The following UBE3C variants were observed in gnomAD, a reference collection of about 807,000 sequenced individuals.
UBE3C encodes ubiquitin-protein ligase E3C.
UBE3C carries 42 observed loss-of-function variants against 129.4 expected under a neutral mutation model. The observed-to-expected ratio is 0.32, with a 90% CI of 0.25 to 0.42. The LOEUF is 0.42. Ranked by LOEUF, UBE3C falls within the 10% of genes least tolerant of loss-of-function variation. The pLI, the probability that UBE3C is intolerant of heterozygous loss-of-function variation, is 1.00. For missense variants in UBE3C, 1,049 were observed against 1,319.1 expected (o/e 0.80, Z 3.17); for synonymous variants, 510 against 492.4 (o/e 1.04, Z -0.47).
intron 22 of UBE3C, among the ~76,000 whole-genome samples, chr7:157,265,005 C>T (rs989467090): frequency 6.6e-6 from 1 of 152,146 alleles, no homozygotes; most frequent in African/African-American, 2.4e-5. Flanking sequence ...TTGTAGTGTC[C>T]CATCATGTGA....
Position 157,255,760 on chromosome 7 carries a change from T to A in UBE3C, c.2951-1154T>A, listed in dbSNP as rs61335016. On this transcript the variant is annotated intron_variant, in intron 21 of 22. Transcript: ENST00000348165. ...CAATGAGGGAACAATATACAGCAAT[T>A]ATTTTAGGTTTAGGGAGCACTTTAC... Among the ~76,000 whole-genome samples the A allele has an allele frequency of 4.9e-3, 740 of 152,282 alleles. 5 individuals carry two copies. The highest frequency in any genetic ancestry group is 0.017 in the African/African-American group (711 of 41,552).
intron 13 of UBE3C, among the ~76,000 whole-genome samples, chr7:157,209,922 T>C (rs1809542163): frequency 6.6e-6 from 1 of 152,258 alleles, no homozygotes; most frequent in African/African-American, 2.4e-5. Context: ...GGCTCACGCC[T>C]ATAATCCCAG....
intron 10 of UBE3C, among the ~76,000 whole-genome samples, chr7:157,194,565 CAGAA>C (rs1349787523): frequency 2.0e-5 from 3 of 152,140 alleles, no homozygotes; most frequent in Non-Finnish European, 2.9e-5. Context: ...AGGCGCATGC[CAGAA>C]AGAAGCCAAA....
chr7:157,155,557 A>G (rs1807879907), intron 1 of UBE3C, among the ~76,000 whole-genome samples: 1 of 152,292 alleles, frequency 6.6e-6, no homozygotes, highest in South Asian at 2.1e-4. Context: ...TAGTTTTTTA[A>G]CATAAAAATT....
At chr7:157,201,878 C>A in intron 11 of UBE3C, 71 bp downstream of exon 11, 1 of 1,333,390 alleles carries the variant, frequency 7.5e-7, no homozygotes, top group South Asian at 1.2e-5. Context: ...AAAATGTTGC[C>A]AGAACCTGTT....
Position 157,254,157 on chromosome 7 carries a change from G to A in UBE3C, c.2883+15G>A. Reference sequence around the variant, plus strand: ...AAGAAATTCAGGTACCCTACCTGCTGACTTTCTGGGACACGCTTGTCACAG... The same window carrying A: ...AAGAAATTCAGGTACCCTACCTGCTAACTTTCTGGGACACGCTTGTCACAG... On this transcript the variant is annotated intron_variant, in intron 20 of 22. Transcript: ENST00000348165. 6.2e-7 allele frequency: 1 copy of A among 1,609,862 alleles called. No individual in the cohort carries two copies. The highest frequency in any genetic ancestry group is 8.5e-7 in the Non-Finnish European group (1 of 1,177,650).
chr7:157,227,003 T>C (rs1795896691), intron 17 of UBE3C, among the ~76,000 whole-genome samples: 1 of 152,194 alleles, frequency 6.6e-6, no homozygotes, highest in Non-Finnish European at 1.5e-5. Flanking sequence ...GTTCTTACAT[T>C]GTATTTTTAT....
intron 3 of UBE3C, among the ~76,000 whole-genome samples, chr7:157,169,342 A>G (rs1459020609): frequency 6.6e-6 from 1 of 152,098 alleles, no homozygotes; most frequent in Non-Finnish European, 1.5e-5. Context: ...CCACAGTTGA[A>G]AATCAAAATA....
intron 13 of UBE3C, 120 bp downstream of exon 13, chr7:157,208,055 CTTTTTTT>C (rs35366316): frequency 2.8e-4 from 26 of 93,642 alleles, no homozygotes; most frequent in East Asian, 2.1e-3. Context: ...ATTTGCAAGA[CTTTTTTT>C]TTTTTTTTTT....
At chr7:157,157,973 GATAT>G (rs67483339) in intron 1 of UBE3C, among the ~76,000 whole-genome samples, 69 of 142,182 alleles carry the variant, frequency 4.9e-4, no homozygotes, top group African/African-American at 1.5e-3. Flanking sequence ...GATATATATA[GATAT>G]ATATATATAT....
chr7:157,171,688 T>TA (rs1808379626), intron 4 of UBE3C, among the ~76,000 whole-genome samples: 91 of 4,808 alleles, frequency 0.019, no homozygotes, highest in Non-Finnish European at 0.024. Flanking sequence ...ATATATATAT[T>TA]TTTTTTTTTT....
chr7:157,223,310 A>T lies in UBE3C; in HGVS notation c.2059A>T (p.Thr687Ser). ...TGAGGAAAGACAGCTTGCTGTCCTG[A>T]CAGAGTTGCCTTTTGTGGTTCCATT... ...VSEERQLAVL[T>S]ELPFVVPFEE... The change falls in exon 16 of 23, where the codon ACA becomes TCA. Residue 687 changes from threonine to serine, a missense_variant. Physicochemically the swap from Thr to Ser is moderately conservative, Grantham distance 58 (BLOSUM62 1). Transcript: ENST00000348165. 6.2e-7 allele frequency: 1 copy of T among 1,614,030 alleles called. No homozygotes were observed. Among genetic ancestry groups the T allele is most frequent in the Non-Finnish European group, 8.5e-7 (1 of 1,179,970 alleles).
At chr7:157,189,882 C>G (rs1269575231) in intron 10 of UBE3C, among the ~76,000 whole-genome samples, 2 of 152,134 alleles carry the variant, frequency 1.3e-5, no homozygotes, top group Admixed American at 1.3e-4. Context: ...CTCACTGCAA[C>G]CTCCACCTCC....
intron 1 of UBE3C, among the ~76,000 whole-genome samples, chr7:157,158,359 C>T (rs1054942787): frequency 2.6e-5 from 4 of 152,074 alleles, no homozygotes; most frequent in African/African-American, 4.8e-5. Context: ...ATTTTGAAAC[C>T]GTAAGCCATA....
At chr7:157,234,670 A>G (rs1013642898) in intron 18 of UBE3C, among the ~76,000 whole-genome samples, 5 of 152,188 alleles carry the variant, frequency 3.3e-5, no homozygotes, top group Admixed American at 2.0e-4. Context: ...GGTTTGAGAA[A>G]GGGCTCCAAC....
chr7:157,151,428 T>C (rs1373664651), intron 1 of UBE3C, among the ~76,000 whole-genome samples: 3 of 152,184 alleles, frequency 2.0e-5, no homozygotes, highest in Non-Finnish European at 4.4e-5. Flanking sequence ...TCTTTGGAAA[T>C]GTAACAAAGA....
intron 2 of UBE3C, among the ~76,000 whole-genome samples, chr7:157,167,423 A>G (rs968636317): frequency 6.6e-6 from 1 of 152,154 alleles, no homozygotes; most frequent in Non-Finnish European, 1.5e-5. Context: ...TCTGCTTTAC[A>G]TCTTTGGGTG....
At chr7:157,244,843 C>T (rs1016284802) in intron 18 of UBE3C, among the ~76,000 whole-genome samples, 3 of 152,126 alleles carry the variant, frequency 2.0e-5, no homozygotes, top group African/African-American at 7.2e-5. Context: ...AGGTCTTTTC[C>T]ATATACCTAT....
intron 10 of UBE3C, chr7:157,192,489 A>G: frequency 1.3e-6 from 1 of 758,188 alleles, no homozygotes; most frequent in East Asian, 2.4e-5. Context: ...CCTGATCAGC[A>G]AAGACTGATC....
Sources: allele counts gnomAD v4.1 joint callset (sites outside exome capture counted in the v4.1 genomes callset), GRCh38; gene constraint gnomAD v4.1.1; transcripts MANE v1.5; gene names NCBI Gene and HGNC (gene_info 2026-07-23, HGNC 2026-07-21).